STT3A: variants seen among roughly 807,000 people sequenced by gnomAD.
STT3A encodes the protein dolichyl-diphosphooligosaccharide--protein glycosyltransferase subunit STT3A.
In STT3A, 34 loss-of-function variants were observed where a neutral mutation model predicts 89.2. The ratio of observed to expected loss-of-function variants is 0.38; its 90% confidence interval spans 0.29 to 0.51. The LOEUF (loss-of-function observed/expected upper bound fraction) is 0.51. Among genes scored for constraint, STT3A ranks in the 20% least tolerant of loss-of-function variants. The probability of loss-of-function intolerance (pLI) is 0.89; values close to 1 mark genes in which losing one functional copy is unlikely to be tolerated. For missense variants in STT3A, 555 were observed against 889.5 expected, an observed-to-expected ratio of 0.62 and a Z score of 4.78; for synonymous variants, 282 against 310.3, an observed-to-expected ratio of 0.91 and a Z score of 0.96.
rs138516949 is a variant in STT3A, at chr11:125,596,383, C to G, written c.88+380C>G. On this transcript the variant is annotated intron_variant, in intron 2 of 17. Transcript: ENST00000392708. ...GGGAGGCTGAGGCACGAGAATCGCT[C>G]GAACCTGGGAGGCAGAGGTTGCAGT... Among the ~76,000 whole-genome samples, 5 of 152,016 alleles carry G rather than the reference C, an allele frequency of 3.3e-5. No individual in the cohort carries two copies. The South Asian group carries it at 1.0e-3, about 31-fold the overall frequency.
rs926595390 is a variant in STT3A at position 125,613,357 on chromosome 11, T to G, written c.1554+180T>G. On this transcript the variant is annotated intron_variant, in intron 13 of 17. Transcript: ENST00000392708. This position sits in a 1 kb window ranked among gnomAD's most constrained non-coding sequence, Gnocchi z 4.2. The stretch of plus-strand genomic sequence containing the variant: ...CATTCAATTCTGGGATCTTTTGTAG[T>G]TACTCTTACTAGTAATTATCTAGAC... Among the ~76,000 whole-genome samples, 2 of 152,210 alleles carry G rather than the reference T, an allele frequency of 1.3e-5. No individual in the cohort carries two copies. Among genetic ancestry groups the G allele is most frequent in the South Asian group, 4.1e-4 (2 of 4,826 alleles).
chr11:125,606,068 A>G (rs1939825974), intron 7 of STT3A: 1 of 502,868 alleles, frequency 2.0e-6, no homozygotes, highest in East Asian at 3.3e-5. Flanking sequence ...ACTTGATTTT[A>G]TATTTTCTTT....
At chr11:125,619,262 G>A (rs1301703061) in intron 16 of STT3A, among the ~76,000 whole-genome samples, 3 of 149,606 alleles carry the variant, frequency 2.0e-5, no homozygotes, top group Non-Finnish European at 4.4e-5. Context: ...GTTTCACTAT[G>A]TTGGCCAGGC....
rs1367038453 is a variant in STT3A at position 125,622,424 on chromosome 11, A to G, written c.*1614A>G. ...TATCAATATGATTAATACCAGTTAG[A>G]AATTATTAATGATCTTCCTTTATAC... is the stretch of plus-strand genomic sequence containing the variant. On this transcript the variant is annotated 3_prime_UTR_variant, in exon 18 of 18. Coordinates refer to ENST00000392708, the MANE Select transcript of STT3A (RefSeq NM_152713.5). 6.6e-6 allele frequency: 1 copy of G among 152,256 alleles called. No homozygotes were observed. Among genetic ancestry groups the G allele is most frequent in the Non-Finnish European group, 1.5e-5 (1 of 68,050 alleles). The allele number at this position is 152,256 out of a possible 1,614,324, so 9.4% of individuals were successfully genotyped here.
chr11:125,592,755 C>T (rs982963058), upstream of STT3A: 3 of 290,668 alleles, frequency 1.0e-5, no homozygotes, highest in Non-Finnish European at 2.1e-5. Flanking sequence ...CCGGATTTGA[C>T]AGACAGTTCC....
chr11:125,608,264 C>T lies in STT3A; in HGVS notation c.936C>T (p.Thr312=), dbSNP rs1220027996. The T allele has an allele frequency of 6.2e-7, 1 of 1,612,434 alleles. No homozygotes were observed. Among genetic ancestry groups the T allele is most frequent in the South Asian group, 1.1e-5 (1 of 90,770 alleles). The change falls in exon 9 of 18, where the codon ACC becomes ACT. Residue 312 remains threonine, a synonymous_variant. Coordinates refer to ENST00000392708, the MANE Select transcript of STT3A (RefSeq NM_152713.5). ...VISLVGFVLL[T]VGALLMLTGK... ...CTCTGGTAGGCTTTGTCCTTCTCACCGTGGGAGCTCTCCTCATGCTGACAG... is the reference window on the plus strand; with the variant it reads ...CTCTGGTAGGCTTTGTCCTTCTCACTGTGGGAGCTCTCCTCATGCTGACAG...
In STT3A at chr11:125,618,480, C is replaced by T. The variant is rs777102471; in HGVS notation, c.1882C>T (p.Arg628Cys). Reference protein sequence around the residue: ...YTPTGEFRVDREGSPVLLNCL... With the variant: ...YTPTGEFRVDCEGSPVLLNCL... ...TCCAACTGGGGAGTTCCGTGTGGAC[C>T]GTGAAGGTTCTCCAGTGCTGCTCAA... The change falls in exon 16 of 18, where the codon CGT becomes TGT. Residue 628 changes from arginine (R) to cysteine (C), a missense_variant. Arg to Cys is a radical substitution (Grantham distance 180). This residue lies in a region of STT3A where 273 missense variants were observed against 449.8 expected (regional missense o/e 0.61). Coordinates refer to ENST00000392708, the MANE Select transcript of STT3A (RefSeq NM_152713.5). 5.6e-6 allele frequency: 9 copies of T among 1,613,760 alleles called. No individual in the cohort carries two copies. The highest frequency in any genetic ancestry group is 2.7e-5 in the African/African-American group (2 of 74,844).
chr11:125,604,137 T>G lies in STT3A; in HGVS notation c.418-20T>G, dbSNP rs1488235785. The G allele has an allele frequency of 1.9e-6, 3 of 1,613,240 alleles. No homozygotes were observed. Among genetic ancestry groups the G allele is most frequent in the Non-Finnish European group, 1.7e-6 (2 of 1,179,258 alleles). ...GCATTGTATTGGTGTTAATGTCTTA[T>G]TACCCTTTTTTTCTTACAGGATGCA... On this transcript the variant is annotated intron_variant, in intron 5 of 17. Coordinates refer to ENST00000392708, the MANE Select transcript of STT3A (RefSeq NM_152713.5).
rs12276635 is a variant in STT3A at position 125,606,674 on chromosome 11, C to T, written c.780+209C>T. Among the ~76,000 whole-genome samples the T allele has an allele frequency of 0.11, 17,087 of 152,150 alleles. 1,462 individuals carry two copies. The highest frequency in any genetic ancestry group is 0.24 in the African/African-American group (10,048 of 41,480). On this transcript the variant is annotated intron_variant, in intron 8 of 17. Coordinates refer to ENST00000392708, the MANE Select transcript of STT3A (RefSeq NM_152713.5). ...ATATTTGCTCCGTGGAGTTTGAATT[C>T]CATGGCTCTTACTTTGGCTTTAAGT...
rs759046234 is a variant in STT3A, at chr11:125,605,725, A to G, written c.605A>G (p.Tyr202Cys). ...ICWAAKCALAYFYMVSSWGGY... is the reference protein window; with the variant it reads ...ICWAAKCALACFYMVSSWGGY... ...TGGGCAGCTAAGTGTGCCCTTGCTT[A>G]TTTCTACATGGTAACTTTTTCTACA... The change falls in exon 7 of 18, where the codon TAT (tyrosine) becomes TGT (cysteine). Residue 202 changes from tyrosine to cysteine, a missense_variant. By Grantham distance (194) the Tyr-to-Cys change is radical (BLOSUM62 -2). This residue lies in a region of STT3A where 149 missense variants were observed against 206.2 expected (regional missense o/e 0.72). Coordinates refer to ENST00000392708, the MANE Select transcript of STT3A (RefSeq NM_152713.5). 1 of 1,613,058 alleles carries G rather than the reference A, an allele frequency of 6.2e-7. No homozygotes were observed. The highest frequency in any genetic ancestry group is 2.2e-5 in the East Asian group (1 of 44,832).
At chr11:125,619,485 G>A (rs927677592) in intron 16 of STT3A, among the ~76,000 whole-genome samples, 6 of 152,136 alleles carry the variant, frequency 3.9e-5, no homozygotes, top group South Asian at 2.1e-4. Flanking sequence ...GCTTTTGACC[G>A]TTACTTTTTA....
chr11:125,610,733 C>T (rs1039477198), intron 10 of STT3A: 2 of 79,508 alleles, frequency 2.5e-5, no homozygotes, highest in African/African-American at 8.6e-5. Flanking sequence ...CACCCATACC[C>T]ACACACACCC....
chr11:125,611,033 A>C (rs1456850851), intron 10 of STT3A: 1 of 153,632 alleles, frequency 6.5e-6, no homozygotes, highest in Non-Finnish European at 1.4e-5. Context: ...ATAAAGAATC[A>C]AATTTCTCTG....
chr11:125,614,204 G>A lies in STT3A; in HGVS notation c.1671+1G>A. Reference sequence around the variant, plus strand: ...TACCCATATTTCTCGAGTAGGGCAGGTAAGATAAAGGGATGATCTTTGAGT... The same window carrying A: ...TACCCATATTTCTCGAGTAGGGCAGATAAGATAAAGGGATGATCTTTGAGT... On this transcript the variant is annotated splice_donor_variant, in intron 14 of 17. Coordinates refer to ENST00000392708, the MANE Select transcript of STT3A (RefSeq NM_152713.5). LOFTEE classifies it high-confidence loss of function. This position sits in a 1 kb window ranked among gnomAD's most constrained non-coding sequence, Gnocchi z 4.9. The A allele has an allele frequency of 2.5e-6, 4 of 1,613,880 alleles. No homozygotes were observed. The highest frequency in any genetic ancestry group is 3.4e-6 in the Non-Finnish European group (4 of 1,179,764).
At chr11:125,592,397 G>T, upstream of STT3A, 1 of 456,302 alleles carries the variant, frequency 2.2e-6, no homozygotes, top group Non-Finnish European at 4.4e-6. Context: ...CTTTCACCTT[G>T]TATTAGGTAA....
chr11:125,594,392 C>T (rs573389700), intron 1 of STT3A, among the ~76,000 whole-genome samples: 15 of 151,950 alleles, frequency 9.9e-5, no homozygotes, highest in Non-Finnish European at 2.1e-4. Flanking sequence ...CCACCCTGGC[C>T]AACATGGTGA....
intron 15 of STT3A, 60 bp from the exon 16 acceptor site, chr11:125,618,313 A>T: frequency 6.8e-7 from 1 of 1,475,746 alleles, no homozygotes; most frequent in East Asian, 2.3e-5. Flanking sequence ...AGAAATACTA[A>T]CCTGCTTTAA....
intron 15 of STT3A, among the ~76,000 whole-genome samples, chr11:125,616,307 T>C (rs1311288461): frequency 1.3e-5 from 2 of 152,248 alleles, no homozygotes; most frequent in Non-Finnish European, 2.9e-5. Flanking sequence ...ATGATAATAC[T>C]AATCCCTAAT....
intron 3 of STT3A, among the ~76,000 whole-genome samples, chr11:125,597,946 G>A (rs987669424): frequency 3.3e-5 from 5 of 152,104 alleles, no homozygotes; most frequent in Non-Finnish European, 7.4e-5. Context: ...GGGCACGGTG[G>A]CTCACGCCTG....
Sources: allele counts gnomAD v4.1 joint callset (sites outside exome capture counted in the v4.1 genomes callset), GRCh38; gene constraint gnomAD v4.1.1; regional missense constraint gnomAD v4.1.1; non-coding constraint Gnocchi (gnomAD v3.1); transcripts MANE v1.5; gene names NCBI Gene and HGNC (gene_info 2026-07-23, HGNC 2026-07-21).